SUSD3: variants seen among roughly 807,000 people sequenced by gnomAD.
The protein encoded by SUSD3 is sushi domain-containing protein 3.
SUSD3 carries 18 observed loss-of-function variants against 20.6 expected under a neutral mutation model. The observed-to-expected ratio is 0.87, with a 90% CI of 0.60 to 1.30. The LOEUF is 1.30. SUSD3 is among the 50% of genes most tolerant of loss of function. SUSD3 has a pLI of 0.00. For synonymous variants in SUSD3, 137 were observed against 141.5 expected, an observed-to-expected ratio of 0.97 and a Z score of 0.23; for missense variants, 306 against 346.9, an observed-to-expected ratio of 0.88 and a Z score of 0.94.
At chr9:93,083,575 G>A (rs1045254394) in intron 4 of SUSD3, among the ~76,000 whole-genome samples, 3 of 152,190 alleles carry the variant, frequency 2.0e-5, no homozygotes, top group Non-Finnish European at 4.4e-5. Flanking sequence ...CTAGGGGTGG[G>A]TACTACTTTT....
chr9:93,071,297 C>T (rs564980001), intron 1 of SUSD3, among the ~76,000 whole-genome samples: 52 of 152,336 alleles, frequency 3.4e-4, no homozygotes, highest in Admixed American at 1.7e-3. Context: ...AGTCCTAAAA[C>T]CTCAAAAGTA....
chr9:93,079,365 G>T, intron 3 of SUSD3, 106 bp from the exon 4 acceptor site: 1 of 1,297,672 alleles, frequency 7.7e-7, no homozygotes, highest in Non-Finnish European at 1.1e-6. Flanking sequence ...TTGCCAGCCT[G>T]CACTGGTCCT....
At chr9:93,078,041 G>A (rs1198287699) in intron 3 of SUSD3, 48 bp downstream of exon 3, 8 of 1,612,864 alleles carry the variant, frequency 5.0e-6, no homozygotes, top group Non-Finnish European at 6.8e-6. Flanking sequence ...GCGCCTCTTG[G>A]CACCATGGGA....
chr9:93,064,695 G>A lies in SUSD3; in HGVS notation c.88+5865G>A, dbSNP rs548052732. Among the ~76,000 whole-genome samples, 5 of 152,330 alleles carry A rather than the reference G, an allele frequency of 3.3e-5. No individual in the cohort carries two copies. The South Asian group carries it at 1.0e-3, about 32-fold the overall frequency. ...ACAACACACGGGCGGGCAGGGGGAGGAGCTGCTCCTTCTAAAACACACTTA... is the reference window on the plus strand; with the variant it reads ...ACAACACACGGGCGGGCAGGGGGAGAAGCTGCTCCTTCTAAAACACACTTA... On this transcript the variant is annotated intron_variant, in intron 1 of 4. Coordinates refer to ENST00000375472, the MANE Select transcript of SUSD3 (RefSeq NM_145006.4).
At chr9:93,069,195 AC>A in intron 1 of SUSD3, 1 of 699,044 alleles carries the variant, frequency 1.4e-6, no homozygotes, top group Non-Finnish European at 2.6e-6. Flanking sequence ...ATGAAATCTC[AC>A]CCATCCCGCT....
chr9:93,078,345 G>A (rs1587918192), intron 3 of SUSD3, among the ~76,000 whole-genome samples: 1 of 152,054 alleles, frequency 6.6e-6, no homozygotes, highest in Non-Finnish European at 1.5e-5. Context: ...TGCAACCTCC[G>A]CCTCCTGGGT....
At position 93,080,922 on chromosome 9, in the gene SUSD3, ATTC is replaced by A. The variant is rs1256303894; in HGVS notation, c.557+1323_557+1325del. ...TTTAGCATCACATGAACTCATGAATATTCTTTTCTGAAACTTTTATTTTGGGAA... is the reference window on the plus strand; with the variant it reads ...TTTAGCATCACATGAACTCATGAATATTTTCTGAAACTTTTATTTTGGGAA... On this transcript the variant is annotated intron_variant, in intron 4 of 4. Transcript: ENST00000375472. Among the ~76,000 whole-genome samples the A allele has an allele frequency of 5.9e-5, 9 of 152,330 alleles. 1 individual carries two copies. In the South Asian group the frequency reaches 1.7e-3, roughly 28 times the overall value.
chr9:93,069,180 T>C, intron 1 of SUSD3: 1 of 701,448 alleles, frequency 1.4e-6, no homozygotes, highest in Non-Finnish European at 2.6e-6. Context: ...ACTCTGAGTG[T>C]TGTGATGAAA....
In SUSD3 at chr9:93,082,379, G is replaced by C. The variant is rs929016377; in HGVS notation, c.558-2158G>C. On this transcript the variant is annotated intron_variant, in intron 4 of 4. Transcript: ENST00000375472. ...GTCGTCCAGGCTGGAGTTCAGTGGCGCGATCTCGGCTCACTGCAAGCTCCG... is the reference window on the plus strand; with the variant it reads ...GTCGTCCAGGCTGGAGTTCAGTGGCCCGATCTCGGCTCACTGCAAGCTCCG... Among the ~76,000 whole-genome samples the C allele has an allele frequency of 2.8e-5, 4 of 143,554 alleles. No homozygotes were observed. In the South Asian group the frequency reaches 8.8e-4, roughly 32 times the overall value. The allele number at this position is 143,554 out of a possible 152,430, so 94.2% of individuals were successfully genotyped here.
intron 2 of SUSD3, among the ~76,000 whole-genome samples, chr9:93,077,614 C>CT (rs1437640201): frequency 1.3e-5 from 2 of 152,164 alleles, no homozygotes; most frequent in African/African-American, 4.8e-5. Context: ...TAACCTGCTT[C>CT]TTGGGGAGAG....
intron 4 of SUSD3, among the ~76,000 whole-genome samples, chr9:93,082,310 CTTTTTTTTT>C (rs561486543): frequency 2.3e-5 from 2 of 87,230 alleles, no homozygotes; most frequent in African/African-American, 5.7e-5. Flanking sequence ...GGCCTCTTTC[CTTTTTTTTT>C]TTTTTTTTTT....
At chr9:93,075,040 A>G (rs1295825178) in intron 1 of SUSD3, among the ~76,000 whole-genome samples, 3 of 152,098 alleles carry the variant, frequency 2.0e-5, no homozygotes, top group Admixed American at 6.5e-5. Context: ...AGGCCCTGCC[A>G]ACTTGCACAT....
intron 1 of SUSD3, among the ~76,000 whole-genome samples, chr9:93,059,462 C>T (rs1825422320): frequency 6.6e-6 from 1 of 152,214 alleles, no homozygotes; most frequent in Non-Finnish European, 1.5e-5. Flanking sequence ...CAAGAATGTG[C>T]TTAAAGAGTT....
intron 4 of SUSD3, among the ~76,000 whole-genome samples, chr9:93,080,279 AC>A (rs1290637271): frequency 7.4e-6 from 1 of 134,658 alleles, no homozygotes; most frequent in Non-Finnish European, 1.5e-5. Flanking sequence ...AGGTTGTGCC[AC>A]CGCACTCCAG....
chr9:93,079,929 C>G (rs1826340268), intron 4 of SUSD3, among the ~76,000 whole-genome samples: 1 of 152,216 alleles, frequency 6.6e-6, no homozygotes, highest in African/African-American at 2.4e-5. Context: ...GTCACTTGCT[C>G]TCCCTCCCGT....
intron 4 of SUSD3, among the ~76,000 whole-genome samples, chr9:93,084,024 A>G (rs1009791550): frequency 2.6e-5 from 4 of 151,922 alleles, no homozygotes; most frequent in African/African-American, 9.7e-5. Context: ...CAGCCTGGGG[A>G]ATGGCTTGGT....
At chr9:93,074,837 T>TCATGATCCA (rs1256072495) in intron 1 of SUSD3, among the ~76,000 whole-genome samples, 1 of 151,932 alleles carries the variant, frequency 6.6e-6, no homozygotes. Context: ...ATGGTCTCAA[T>TCATGATCCA]CCCCGACCTC....
rs368412021 is a variant in SUSD3, at chr9:93,079,605, G to A, written c.557+3G>A. ...CACGACAACCACAGCTTCACCACGT[G>A]AGCCCGGGTCTGGGTAGGGGACATG... On this transcript the variant is annotated splice_donor_region_variant and intron_variant, in intron 4 of 4. Coordinates refer to ENST00000375472, the MANE Select transcript of SUSD3 (RefSeq NM_145006.4). 4.1e-4 allele frequency: 664 copies of A among 1,613,548 alleles called. 1 individual carries two copies. The highest frequency in any genetic ancestry group is 5.3e-4 in the Non-Finnish European group (629 of 1,179,902).
At chr9:93,075,735 T>TTCCCCCCCCC in intron 1 of SUSD3, 49 bp from the exon 2 acceptor site, 28 of 247,422 alleles carry the variant, frequency 1.1e-4, no homozygotes, top group South Asian at 3.5e-4. Context: ...CTGCCCTGCG[T>TTCCCCCCCCC]GCCCACCCCC....
Sources: allele counts gnomAD v4.1 joint callset (sites outside exome capture counted in the v4.1 genomes callset), GRCh38; gene constraint gnomAD v4.1.1; transcripts MANE v1.5; gene names NCBI Gene and HGNC (gene_info 2026-07-23, HGNC 2026-07-21).